The following RORB variants were observed in gnomAD, a reference collection of about 807,000 sequenced individuals.
RORB encodes nuclear receptor ROR-beta.
Under a neutral mutation model 59.1 loss-of-function variants are expected in RORB, and 6 were observed. The observed-to-expected ratio is 0.10, with a 90% CI of 0.06 to 0.20. RORB has a LOEUF of 0.20. RORB is among the 10% of genes least tolerant of loss of function. The pLI is 1.00. For synonymous variants in RORB, 215 were observed against 204.5 expected, an observed-to-expected ratio of 1.05 and a Z score of -0.44; for missense variants, 320 against 560.5, an observed-to-expected ratio of 0.57 and a Z score of 4.33.
In RORB at chr9:74,642,574, C is replaced by A. The variant is rs1175514339; in HGVS notation, c.396C>A (p.Asn132Lys). 1 of 1,614,074 alleles carries A rather than the reference C, an allele frequency of 6.2e-7. No homozygotes were observed. The highest frequency in any genetic ancestry group is 8.5e-7 in the Non-Finnish European group (1 of 1,180,038). ...GCAGCATTAGCAACGGCCTGAGCAA[C>A]CTGAACAACGAGACCAGCGGCACTT... is the stretch of plus-strand genomic sequence containing the variant. ...YSSSISNGLS[N>K]LNNETSGTYA... The change falls in exon 4 of 10, where the codon AAC (asparagine) becomes AAA (lysine). Residue 132 changes from asparagine (N) to lysine (K), a missense_variant. This residue lies in a region of RORB where 134 missense variants were observed against 156.2 expected (regional missense o/e 0.86). Coordinates refer to ENST00000376896, the MANE Select transcript of RORB (RefSeq NM_006914.4).
intron 1 of RORB, among the ~76,000 whole-genome samples, chr9:74,616,021 T>A (rs1434328840): frequency 1.3e-5 from 2 of 152,066 alleles, no homozygotes; most frequent in Non-Finnish European, 2.9e-5. Context: ...TTTCTAAGTT[T>A]AAAAAAAATC....
rs1824741495 is a variant in RORB, at chr9:74,691,586, T to C, written c.*5968T>C. 1 of 152,236 alleles carries C rather than the reference T, an allele frequency of 6.6e-6. No individual in the cohort carries two copies. Among genetic ancestry groups the C allele is most frequent in the African/African-American group, 2.4e-5 (1 of 41,466 alleles). The allele number at this position is 152,236 out of a possible 1,614,324, so 9.4% of individuals were successfully genotyped here. A position where few individuals can be genotyped will look rare whatever the true frequency, so the allele number is the denominator to read the frequency against. On this transcript the variant is annotated 3_prime_UTR_variant, in exon 10 of 10. Coordinates refer to ENST00000376896, the MANE Select transcript of RORB (RefSeq NM_006914.4). ...TAATATATGCTTGTGGAAGGTCTAA[T>C]ACAATGTATGCTGTCTCTGTAATTT...
chr9:74,667,477 A>G (rs1824285846), intron 7 of RORB, among the ~76,000 whole-genome samples: 1 of 152,198 alleles, frequency 6.6e-6, no homozygotes, highest in Non-Finnish European at 1.5e-5. Context: ...TTTAATGTGA[A>G]ATCATTTCAA....
chr9:74,624,204 C>A (rs910578557), intron 1 of RORB, among the ~76,000 whole-genome samples: 1 of 151,950 alleles, frequency 6.6e-6, no homozygotes, highest in African/African-American at 2.4e-5. Context: ...AATATAAAGC[C>A]AAATGTATCT....
intron 1 of RORB, among the ~76,000 whole-genome samples, chr9:74,600,271 G>A (rs903765475): frequency 2.6e-5 from 4 of 152,188 alleles, no homozygotes; most frequent in African/African-American, 9.7e-5. Flanking sequence ...TGAAGGCAAT[G>A]TCTTAAAGGA....
intron 1 of RORB, among the ~76,000 whole-genome samples, chr9:74,578,566 T>C (rs1242585242): frequency 6.6e-6 from 1 of 152,094 alleles, no homozygotes; most frequent in Non-Finnish European, 1.5e-5. Flanking sequence ...ATTAATAAAA[T>C]TTAAAAAGAC....
At chr9:74,627,705 TTA>T (rs964662234) in intron 1 of RORB, among the ~76,000 whole-genome samples, 184 of 152,094 alleles carry the variant, frequency 1.2e-3, no homozygotes, top group African/African-American at 3.9e-3. Context: ...TGACTTAATA[TTA>T]TATAAGCTAA....
At chr9:74,624,475 G>A (rs900548366) in intron 1 of RORB, among the ~76,000 whole-genome samples, 12 of 152,128 alleles carry the variant, frequency 7.9e-5, no homozygotes, top group South Asian at 2.1e-4. Context: ...ATGGTATAGC[G>A]GCCGAAGTTC....
chr9:74,661,636 C>CTTTTTTTTT (rs779927558), intron 5 of RORB, among the ~76,000 whole-genome samples: 11 of 79,592 alleles, frequency 1.4e-4, no homozygotes, highest in East Asian at 4.6e-4. Context: ...TTCTTTTTTC[C>CTTTTTTTTT]TTTTTTTTTT....
chr9:74,571,367 A>G (rs1439225827), intron 1 of RORB, among the ~76,000 whole-genome samples: 2 of 151,678 alleles, frequency 1.3e-5, no homozygotes, highest in Non-Finnish European at 2.9e-5. Flanking sequence ...ACTCCGGAGC[A>G]GTATTTTTCA....
At chr9:74,582,186 C>T (rs1435381091) in intron 1 of RORB, among the ~76,000 whole-genome samples, 1 of 152,134 alleles carries the variant, frequency 6.6e-6, no homozygotes, top group African/African-American at 2.4e-5. Flanking sequence ...TATAAGACTA[C>T]ACAAGTTTAT....
intron 1 of RORB, among the ~76,000 whole-genome samples, chr9:74,551,995 C>T (rs1474208434): frequency 6.6e-6 from 1 of 152,068 alleles, no homozygotes; most frequent in East Asian, 1.9e-4. Flanking sequence ...ATTGAAAGGA[C>T]AAAGGACGGT....
chr9:74,624,107 A>G (rs1442545205), intron 1 of RORB, among the ~76,000 whole-genome samples: 2 of 152,154 alleles, frequency 1.3e-5, no homozygotes, highest in Admixed American at 6.5e-5. Flanking sequence ...GATGCCTTTG[A>G]AAATGATCTT....
In RORB at chr9:74,685,678, G is replaced by A; in HGVS notation, c.*60G>A. ...GCATCACCATTAAGACAAAAGCAAT[G>A]TGTTCATGAAGACTTAAGAAAAATG... On this transcript the variant is annotated 3_prime_UTR_variant, in exon 10 of 10. Coordinates refer to ENST00000376896, the MANE Select transcript of RORB (RefSeq NM_006914.4). 1.5e-6 allele frequency: 2 copies of A among 1,370,568 alleles called. No individual in the cohort carries two copies. Among genetic ancestry groups the A allele is most frequent in the Admixed American group, 2.3e-5 (1 of 44,274 alleles). 84.9% of individuals were successfully genotyped at this position (1,370,568 alleles called of 1,614,324 possible). A position where few individuals can be genotyped will look rare whatever the true frequency, so the allele number is the denominator to read the frequency against.
chr9:74,502,851 G>T (rs1229442884), intron 1 of RORB, among the ~76,000 whole-genome samples: 4 of 151,948 alleles, frequency 2.6e-5, no homozygotes, highest in Admixed American at 2.6e-4. Flanking sequence ...CACATACATT[G>T]TGAGTGCAAA....
chr9:74,500,492 G>C, intron 1 of RORB, among the ~76,000 whole-genome samples: 1 of 152,234 alleles, frequency 6.6e-6, no homozygotes, highest in African/African-American at 2.4e-5. Context: ...TGTTGGGAGA[G>C]GGGCCATTTT....
chr9:74,507,831 G>A (rs1469693955), intron 1 of RORB, among the ~76,000 whole-genome samples: 3 of 151,992 alleles, frequency 2.0e-5, no homozygotes, highest in African/African-American at 7.2e-5. Context: ...TTTAAAGAAA[G>A]GAGAAGAAAC....
chr9:74,566,825 AG>A (rs1822476711), intron 1 of RORB, among the ~76,000 whole-genome samples: 1 of 152,212 alleles, frequency 6.6e-6, no homozygotes. Context: ...ATAAAGAAGC[AG>A]GGTAAGATAT....
chr9:74,632,093 C>A (rs1374730688), intron 2 of RORB, among the ~76,000 whole-genome samples: 1 of 152,036 alleles, frequency 6.6e-6, no homozygotes, highest in South Asian at 2.1e-4. Flanking sequence ...TGTATAAGCT[C>A]TATTTGAAAA....
Sources: allele counts gnomAD v4.1 joint callset (sites outside exome capture counted in the v4.1 genomes callset), GRCh38; gene constraint gnomAD v4.1.1; regional missense constraint gnomAD v4.1.1; transcripts MANE v1.5; gene names NCBI Gene and HGNC (gene_info 2026-07-23, HGNC 2026-07-21).